MIDEAS: variants seen among roughly 807,000 people sequenced by gnomAD.
The protein encoded by MIDEAS is mitotic deacetylase-associated SANT domain protein.
In MIDEAS, 26 loss-of-function variants were observed where a neutral mutation model predicts 102.7. The ratio of observed to expected loss-of-function variants is 0.25; its 90% CI spans 0.19 to 0.35. The LOEUF is 0.35. Among genes scored for constraint, MIDEAS ranks in the 10% least tolerant of loss-of-function variants. The pLI is 1.00. For synonymous variants in MIDEAS, 585 were observed against 591.0 expected (o/e 0.99, Z 0.15); for missense variants, 1,231 against 1,435.6 (o/e 0.86, Z 2.30).
At chr14:73,789,760 A>T (rs2053851622), upstream of MIDEAS, 1 of 152,212 alleles carries the variant, frequency 6.6e-6, no homozygotes, top group African/African-American at 2.4e-5. Context: ...TCTTGAATTT[A>T]AACTAGGTCG....
intron 1 of MIDEAS, among the ~76,000 whole-genome samples, chr14:73,741,638 C>A (rs59939420): frequency 0.02 from 3,091 of 152,142 alleles, 34 homozygotes; most frequent in East Asian, 0.039. Flanking sequence ...CCCTCCCAGG[C>A]TATCGCTCCT....
intron 4 of MIDEAS, chr14:73,727,806 T>C (rs947077722): frequency 4.5e-5 from 17 of 378,402 alleles, no homozygotes; most frequent in Non-Finnish European, 7.6e-5. Context: ...GCACAGAGCC[T>C]GGCACTCGAT....
intron 1 of MIDEAS, among the ~76,000 whole-genome samples, chr14:73,753,719 G>A (rs2053449475): frequency 6.6e-6 from 1 of 152,158 alleles, no homozygotes; most frequent in Non-Finnish European, 1.5e-5. Context: ...GAGACTCAAA[G>A]TCCTAGCAAC....
At chr14:73,776,865 GT>G (rs901467263) in intron 1 of MIDEAS, among the ~76,000 whole-genome samples, 2 of 151,644 alleles carry the variant, frequency 1.3e-5, no homozygotes, top group African/African-American at 4.8e-5. Context: ...AAGGTCAGGA[GT>G]TCAAGACCAG....
upstream of MIDEAS, among the ~76,000 whole-genome samples, chr14:73,761,859 G>A (rs2053558081): frequency 6.6e-6 from 1 of 152,154 alleles, no homozygotes; most frequent in Non-Finnish European, 1.5e-5. Flanking sequence ...CACAGGGCAA[G>A]CCAAGCATCT....
At chr14:73,745,641 C>T (rs546175309) in intron 1 of MIDEAS, among the ~76,000 whole-genome samples, 1 of 152,264 alleles carries the variant, frequency 6.6e-6, no homozygotes, top group Non-Finnish European at 1.5e-5. Flanking sequence ...CTTGGGCCAG[C>T]TAGAGTTGCC....
intron 1 of MIDEAS, among the ~76,000 whole-genome samples, chr14:73,752,696 G>A (rs574892344): frequency 7.9e-5 from 12 of 152,266 alleles, no homozygotes; most frequent in South Asian, 4.1e-4. Flanking sequence ...TCAGCCTCAC[G>A]CCCTTCCTCA....
At chr14:73,748,087 G>A (rs2053375856) in intron 1 of MIDEAS, among the ~76,000 whole-genome samples, 1 of 151,944 alleles carries the variant, frequency 6.6e-6, no homozygotes, top group African/African-American at 2.4e-5. Context: ...GACCAGGAAT[G>A]GTATACTCAA....
chr14:73,731,432 CTGTT>C (rs552488744), intron 3 of MIDEAS, among the ~76,000 whole-genome samples: 72 of 151,878 alleles, frequency 4.7e-4, no homozygotes, highest in African/African-American at 1.6e-3. Context: ...TGAAATGAAA[CTGTT>C]CGTTCTTCTT....
intron 1 of MIDEAS, among the ~76,000 whole-genome samples, chr14:73,766,418 T>G (rs534521903): frequency 5.2e-5 from 8 of 152,388 alleles, no homozygotes; most frequent in African/African-American, 1.9e-4. Flanking sequence ...TTGCTGTTAC[T>G]TTTATTACTG....
At chr14:73,751,541 A>G (rs1200363242) in intron 1 of MIDEAS, among the ~76,000 whole-genome samples, 1 of 151,948 alleles carries the variant, frequency 6.6e-6, no homozygotes, top group Admixed American at 6.6e-5. Context: ...TCTTTGCCTA[A>G]GAGGAAGTCA....
intron 3 of MIDEAS, among the ~76,000 whole-genome samples, chr14:73,735,001 C>G (rs2053184591): frequency 6.6e-6 from 1 of 152,098 alleles, no homozygotes; most frequent in Admixed American, 6.6e-5. Flanking sequence ...ACTTTTAACC[C>G]AAGTATTTAA....
chr14:73,756,295 T>TGTGTGTGTGTGTGTGTGTGTGTGCGC (rs55692592), intron 1 of MIDEAS, among the ~76,000 whole-genome samples: 1 of 127,626 alleles, frequency 7.8e-6, no homozygotes, highest in Admixed American at 7.6e-5. Context: ...TGTGTGTGTG[T>TGTGTGTGTGTGTGTGTGTGTGTGCGC]GCGCGCGCGC....
At chr14:73,730,088 CT>C in intron 3 of MIDEAS, 103 bp from the exon 4 acceptor site, 1 of 1,186,136 alleles carries the variant, frequency 8.4e-7, no homozygotes, top group Non-Finnish European at 1.2e-6. Context: ...CTTAGTCTGC[CT>C]ACCACACCCA....
upstream of MIDEAS, among the ~76,000 whole-genome samples, chr14:73,763,782 G>A (rs553877055): frequency 6.6e-6 from 1 of 152,054 alleles, no homozygotes; most frequent in Non-Finnish European, 1.5e-5. Context: ...AAAAAAAGAA[G>A]GGTGTAGAAA....
chr14:73,774,014 T>G (rs1480137567), intron 1 of MIDEAS, among the ~76,000 whole-genome samples: 1 of 111,880 alleles, frequency 8.9e-6, no homozygotes, highest in Non-Finnish European at 1.7e-5. Context: ...AGGGTGAGAC[T>G]GAATCTCAAA....
rs761760761 is a variant in MIDEAS, at chr14:73,737,208, G to C, written c.1539C>G (p.Thr513=). Residue 513 remains threonine, a synonymous_variant, in exon 3 of 13, where the codon ACC becomes ACG. Transcript: ENST00000423556. ...TCCCACTGTCTTCTCGTGCTCGCTT[G>C]GTGGCTAAGGAAGGCTCAGAAAACT... ...GVEFSEPSLA[T]KRAREDSGMV... is the part of the protein sequence containing the mutation. 6.2e-7 allele frequency: 1 copy of C among 1,614,092 alleles called. No individual in the cohort carries two copies. The highest frequency in any genetic ancestry group is 1.1e-5 in the South Asian group (1 of 91,074).
At chr14:73,782,834 A>G (rs1463134209) in intron 1 of MIDEAS, among the ~76,000 whole-genome samples, 4 of 152,240 alleles carry the variant, frequency 2.6e-5, no homozygotes, top group African/African-American at 9.6e-5. Flanking sequence ...GATGCTGGAA[A>G]TGGAGCAAAA....
intron 3 of MIDEAS, 119 bp downstream of exon 3, chr14:73,736,879 A>C: frequency 9.6e-7 from 1 of 1,042,410 alleles, no homozygotes. Flanking sequence ...AAATAAAAAT[A>C]GTATCTCCAC....
Sources: gnomAD v4.1 joint callset for allele counts (sites outside exome capture counted in the v4.1 genomes callset) on GRCh38, gnomAD v4.1.1 for gene constraint, MANE v1.5 for transcripts, NCBI Gene and HGNC (gene_info 2026-07-23, HGNC 2026-07-21) for gene names.